KANSL1L: variants seen among roughly 807,000 people sequenced by gnomAD.
KANSL1L encodes the protein KAT8 regulatory NSL complex subunit 1 like, also known as KAT8 regulatory NSL complex subunit 1-like protein.
KANSL1L carries 25 observed loss-of-function variants against 108.6 expected under a neutral mutation model. The observed-to-expected ratio is 0.23, with a 90% CI of 0.17 to 0.32. The LOEUF (loss-of-function observed/expected upper bound fraction) is 0.32. KANSL1L is among the 10% of genes least tolerant of loss of function. The pLI is 1.00. For synonymous variants in KANSL1L, 405 were observed against 395.1 expected (o/e 1.03, Z -0.30); for missense variants, 1,137 against 1,125.7 (o/e 1.01, Z -0.14).
At chr2:210,029,563 T>TA (rs1376843634) in intron 10 of KANSL1L, among the ~76,000 whole-genome samples, 1 of 152,118 alleles carries the variant, frequency 6.6e-6, no homozygotes, top group Non-Finnish European at 1.5e-5. Flanking sequence ...ATGATCATGA[T>TA]AATGTTTAAA....
chr2:210,075,795 TAAAAC>T (rs773397309), intron 5 of KANSL1L, 39 bp from the exon 6 acceptor site: 16 of 1,457,254 alleles, frequency 1.1e-5, no homozygotes, highest in African/African-American at 9.9e-5. Context: ...GGGAAGGGAA[TAAAAC>T]AAAACAAAAC....
At chr2:210,027,924 C>T (rs1287216787) in intron 11 of KANSL1L, among the ~76,000 whole-genome samples, 1 of 152,178 alleles carries the variant, frequency 6.6e-6, no homozygotes, top group East Asian at 1.9e-4. Flanking sequence ...GAATATTATG[C>T]TCTTAATACC....
intron 3 of KANSL1L, among the ~76,000 whole-genome samples, chr2:210,107,940 T>A (rs1440833500): frequency 6.6e-6 from 1 of 152,180 alleles, no homozygotes; most frequent in Non-Finnish European, 1.5e-5. Flanking sequence ...TGAAACAGGA[T>A]ATTTACAAAA....
At position 210,027,327 on chromosome 2, in the gene KANSL1L, G is replaced by C. The variant is rs2093952034; in HGVS notation, c.2420C>G (p.Pro807Arg). ...TTTGCCTAAATTATATTCATCCAAA[G>C]GCTGAAGAACAACCATCCTCCAGCT... ...TPSWRMVVLQ[P>R]LDEYNLGKEE... The change falls in exon 12 of 15, where the codon CCT becomes CGT. Residue 807 changes from proline to arginine, a missense_variant. Physicochemically the swap from Pro to Arg is moderately radical, Grantham distance 103 (BLOSUM62 -2). Around this residue, in one of 3 missense-constraint regions of KANSL1L, gnomAD observed 575 missense variants for 567.1 expected, o/e 1.01. Transcript: ENST00000281772. 8 of 1,612,746 alleles carry C rather than the reference G, an allele frequency of 5.0e-6. No individual in the cohort carries two copies. Among genetic ancestry groups the C allele is most frequent in the Non-Finnish European group, 6.8e-6 (8 of 1,178,918 alleles).
At chr2:210,053,304 G>C (rs1172176576) in intron 6 of KANSL1L, among the ~76,000 whole-genome samples, 4 of 152,124 alleles carry the variant, frequency 2.6e-5, no homozygotes, top group African/African-American at 9.6e-5. Context: ...AATCTCTAGT[G>C]AAAACAAACA....
chr2:210,157,901 T>C (rs1334434718), intron 1 of KANSL1L, among the ~76,000 whole-genome samples: 14 of 107,246 alleles, frequency 1.3e-4, no homozygotes, highest in Non-Finnish European at 2.3e-5. Flanking sequence ...CAAGACCCTG[T>C]CAAAAAAAAA....
At chr2:210,119,233 T>C (rs2094989773) in intron 3 of KANSL1L, among the ~76,000 whole-genome samples, 1 of 151,660 alleles carries the variant, frequency 6.6e-6, no homozygotes, top group Admixed American at 6.6e-5. Context: ...ACCCAATGGC[T>C]TCACTGCTGA....
chr2:210,079,817 A>T (rs1182714861), intron 5 of KANSL1L: 2 of 145,288 alleles, frequency 1.4e-5, no homozygotes, highest in East Asian at 4.0e-4. Flanking sequence ...TAGATTTCTA[A>T]CTGGAAGCTG....
chr2:210,091,929 CTG>C (rs1158851585), intron 5 of KANSL1L, among the ~76,000 whole-genome samples: 1 of 152,152 alleles, frequency 6.6e-6, no homozygotes, highest in African/African-American at 2.4e-5. Context: ...GATGATTTCT[CTG>C]TGTATAGAGT....
chr2:210,114,318 C>G (rs1340984469), intron 3 of KANSL1L, among the ~76,000 whole-genome samples: 1 of 152,028 alleles, frequency 6.6e-6, no homozygotes, highest in Non-Finnish European at 1.5e-5. Context: ...ATAACAACAA[C>G]AACAACAACA....
chr2:210,063,621 G>A (rs566130435), intron 6 of KANSL1L, among the ~76,000 whole-genome samples: 1 of 152,288 alleles, frequency 6.6e-6, no homozygotes, highest in Admixed American at 6.5e-5. Flanking sequence ...AGATCATTCT[G>A]GAGCTTTAAT....
chr2:210,090,213 A>G (rs964850273), intron 5 of KANSL1L, among the ~76,000 whole-genome samples: 2 of 152,146 alleles, frequency 1.3e-5, no homozygotes, highest in African/African-American at 2.4e-5. Context: ...TGTTTTATAA[A>G]AGTTCTGAGT....
chr2:210,120,234 C>T (rs2095001620), intron 3 of KANSL1L, among the ~76,000 whole-genome samples: 2 of 151,486 alleles, frequency 1.3e-5, no homozygotes. Context: ...TACTAAAATA[C>T]AAAAAAAATT....
intron 5 of KANSL1L, chr2:210,097,348 A>T (rs146175077): frequency 6.4e-6 from 5 of 779,928 alleles, no homozygotes; most frequent in Non-Finnish European, 7.8e-6. Context: ...TAACACAAAT[A>T]TTTCCCAAAA....
Position 210,024,203 on chromosome 2 carries a change from T to TAGCA in KANSL1L, c.2565-6_2565-3dup. The TAGCA allele has an allele frequency of 6.4e-7, 1 of 1,552,364 alleles. No homozygotes were observed. The highest frequency in any genetic ancestry group is 8.7e-7 in the Non-Finnish European group (1 of 1,150,130). On this transcript the variant is annotated splice_region_variant and splice_polypyrimidine_tract_variant and intron_variant, in intron 13 of 14. Transcript: ENST00000281772. ...CCTTCAACATTTTTACTGTAAGCTC[T>TAGCA]AGCAAGAAAATCAGGAAAACACAAT...
chr2:210,061,092 C>T (rs1019237527), intron 6 of KANSL1L, among the ~76,000 whole-genome samples: 1 of 152,206 alleles, frequency 6.6e-6, no homozygotes, highest in African/African-American at 2.4e-5. Flanking sequence ...AACCTCTGAT[C>T]TAAGTGATTG....
chr2:210,141,301 G>T (rs1371422751), intron 2 of KANSL1L, among the ~76,000 whole-genome samples: 1 of 151,968 alleles, frequency 6.6e-6, no homozygotes, highest in Non-Finnish European at 1.5e-5. Context: ...GGTCAGAGTA[G>T]GTGGTATCAT....
chr2:210,129,424 A>C (rs1165583854), intron 2 of KANSL1L, among the ~76,000 whole-genome samples: 1 of 152,178 alleles, frequency 6.6e-6, no homozygotes, highest in African/African-American at 2.4e-5. Context: ...TCTGCTATTC[A>C]ATTCTTTATC....
intron 2 of KANSL1L, among the ~76,000 whole-genome samples, chr2:210,129,487 T>C (rs1248449039): frequency 1.3e-5 from 2 of 152,154 alleles, no homozygotes; most frequent in Admixed American, 1.3e-4. Context: ...GAAACATGAA[T>C]GACAATGCAA....
Sources: gnomAD v4.1 joint callset for allele counts (sites outside exome capture counted in the v4.1 genomes callset) on GRCh38, gnomAD v4.1.1 for gene constraint, gnomAD v4.1.1 regional missense constraint, MANE v1.5 for transcripts, NCBI Gene and HGNC (gene_info 2026-07-23, HGNC 2026-07-21) for gene names.